EXOC4: variants seen among roughly 807,000 people sequenced by gnomAD.
The protein encoded by EXOC4 is exocyst complex component 4.
In EXOC4, 71 loss-of-function variants were observed where a neutral mutation model predicts 107.2. The ratio of observed to expected loss-of-function variants is 0.66; its 90% CI spans 0.55 to 0.81. The LOEUF is 0.81. EXOC4 is among the 30% of genes least tolerant of loss of function. The pLI is 0.00. For missense variants in EXOC4, 1,108 were observed against 1,189.6 expected, an observed-to-expected ratio of 0.93 and a Z score of 1.01; for synonymous variants, 456 against 441.2, an observed-to-expected ratio of 1.03 and a Z score of -0.42.
intron 4 of EXOC4, among the ~76,000 whole-genome samples, chr7:133,309,356 G>C (rs1033550603): frequency 2.0e-5 from 3 of 152,196 alleles, no homozygotes; most frequent in African/African-American, 7.2e-5. Context: ...GAATGGAGAA[G>C]AGTTGGGACC....
chr7:133,931,609 A>G (rs1800177207), intron 13 of EXOC4, among the ~76,000 whole-genome samples: 1 of 152,240 alleles, frequency 6.6e-6, no homozygotes, highest in African/African-American at 2.4e-5. Flanking sequence ...ATTTTAAAGA[A>G]TTTCTTCTCA....
chr7:133,745,300 C>G (rs777916253), intron 10 of EXOC4, among the ~76,000 whole-genome samples: 8 of 152,044 alleles, frequency 5.3e-5, no homozygotes, highest in South Asian at 2.1e-4. Flanking sequence ...AGCTTACACT[C>G]GAGTACAGCT....
intron 4 of EXOC4, among the ~76,000 whole-genome samples, chr7:133,313,777 A>G (rs1794928715): frequency 6.6e-6 from 1 of 152,208 alleles, no homozygotes; most frequent in Admixed American, 6.5e-5. Flanking sequence ...TTGAGGTTAC[A>G]GTGGCAGTGG....
intron 9 of EXOC4, among the ~76,000 whole-genome samples, chr7:133,538,860 A>AGAGC (rs1330493496): frequency 2.4e-4 from 22 of 90,440 alleles, no homozygotes; most frequent in Non-Finnish European, 3.7e-4. Flanking sequence ...AGAAAGAAAG[A>AGAGC]GAGAGAGAGA....
chr7:133,452,638 A>G (rs1798373981), intron 7 of EXOC4, among the ~76,000 whole-genome samples: 1 of 150,780 alleles, frequency 6.6e-6, no homozygotes, highest in Non-Finnish European at 1.5e-5. Flanking sequence ...TTTTTTCTAT[A>G]AATGTTATTT....
chr7:133,757,791 C>T (rs1247958862), intron 10 of EXOC4, among the ~76,000 whole-genome samples: 1 of 152,172 alleles, frequency 6.6e-6, no homozygotes, highest in East Asian at 1.9e-4. Context: ...TTTATAAACT[C>T]ATTTAATCCC....
chr7:133,533,388 A>T (rs989040969), intron 9 of EXOC4, among the ~76,000 whole-genome samples: 1 of 152,148 alleles, frequency 6.6e-6, no homozygotes, highest in Non-Finnish European at 1.5e-5. Flanking sequence ...GTGCCAGGAC[A>T]TTGTAGCTTG....
chr7:133,512,415 T>G (rs1334990453), intron 9 of EXOC4, among the ~76,000 whole-genome samples: 1 of 148,866 alleles, frequency 6.7e-6, no homozygotes, highest in Non-Finnish European at 1.5e-5. Flanking sequence ...GGCGATAGAG[T>G]GAGACTCCAT....
intron 11 of EXOC4, among the ~76,000 whole-genome samples, chr7:133,884,409 T>C (rs1799033434): frequency 6.6e-6 from 1 of 152,194 alleles, no homozygotes; most frequent in African/African-American, 2.4e-5. Flanking sequence ...TGGCTGGTGT[T>C]CCATGAAATC....
In EXOC4 at chr7:133,885,525, A is replaced by G. The variant is rs191438852; in HGVS notation, c.1735-10074A>G. ...CAAGGTGTTAGAGATAGGAAGGCAC[A>G]GTCACTGATCAACAGGAATTAGCAG... On this transcript the variant is annotated intron_variant, in intron 11 of 17. Coordinates refer to ENST00000253861, the MANE Select transcript of EXOC4 (RefSeq NM_021807.4). 1.9e-3 allele frequency among the ~76,000 whole-genome samples: 297 copies of G among 152,310 alleles called. 4 individuals carry two copies. Among genetic ancestry groups the G allele is most frequent in the Non-Finnish European group, 2.4e-4 (16 of 68,034 alleles).
At chr7:133,499,546 G>A (rs982198225) in intron 9 of EXOC4, among the ~76,000 whole-genome samples, 18 of 151,992 alleles carry the variant, frequency 1.2e-4, no homozygotes, top group African/African-American at 3.4e-4. Flanking sequence ...ATTATTTAGG[G>A]TATGTATATA....
intron 5 of EXOC4, among the ~76,000 whole-genome samples, chr7:133,338,316 G>T (rs564270490): frequency 2.0e-5 from 3 of 151,330 alleles, no homozygotes; most frequent in South Asian, 2.1e-4. Context: ...TATTTCAGCC[G>T]GGCGCGGTGG....
intron 12 of EXOC4, among the ~76,000 whole-genome samples, chr7:133,916,403 G>T (rs535706420): frequency 6.6e-6 from 1 of 152,280 alleles, no homozygotes; most frequent in African/African-American, 2.4e-5. Flanking sequence ...CCTTAAGTCA[G>T]TCTGTCATGA....
At chr7:133,733,943 TATG>T (rs1163849915) in intron 10 of EXOC4, among the ~76,000 whole-genome samples, 2 of 152,208 alleles carry the variant, frequency 1.3e-5, no homozygotes, top group African/African-American at 4.8e-5. Context: ...GACAGAGAAA[TATG>T]ATATTTAAAT....
At chr7:133,603,544 G>A (rs758285093) in intron 9 of EXOC4, among the ~76,000 whole-genome samples, 1 of 152,322 alleles carries the variant, frequency 6.6e-6, no homozygotes, top group South Asian at 2.1e-4. Context: ...TATGCCTGCT[G>A]CTTTACAAAC....
At chr7:133,605,435 A>G (rs1002362313) in intron 9 of EXOC4, among the ~76,000 whole-genome samples, 1 of 152,172 alleles carries the variant, frequency 6.6e-6, no homozygotes, top group African/African-American at 2.4e-5. Flanking sequence ...GCTGGCAACC[A>G]CTAATCTATT....
intron 14 of EXOC4, among the ~76,000 whole-genome samples, chr7:133,974,534 G>GTA (rs1346687207): frequency 2.6e-5 from 4 of 152,186 alleles, no homozygotes; most frequent in Non-Finnish European, 4.4e-5. Flanking sequence ...TTGATCGGTA[G>GTA]TACACAAATC....
intron 1 of EXOC4, among the ~76,000 whole-genome samples, chr7:133,269,757 G>T (rs1793820120): frequency 6.6e-6 from 1 of 152,170 alleles, no homozygotes; most frequent in Non-Finnish European, 1.5e-5. Flanking sequence ...TGTTCATGTT[G>T]TGGGATATAA....
At chr7:133,484,391 C>T (rs746226412) in intron 9 of EXOC4, among the ~76,000 whole-genome samples, 3 of 152,150 alleles carry the variant, frequency 2.0e-5, no homozygotes, top group Non-Finnish European at 4.4e-5. Context: ...TGGTTTTAGT[C>T]TCTGCCGCTT....
Sources: allele counts gnomAD v4.1 joint callset (sites outside exome capture counted in the v4.1 genomes callset), GRCh38; gene constraint gnomAD v4.1.1; transcripts MANE v1.5; gene names NCBI Gene and HGNC (gene_info 2026-07-23, HGNC 2026-07-21).